NTM: variants seen among roughly 807,000 people sequenced by gnomAD.
NTM encodes the protein IgLON family member 2.
A neutral mutation model predicts 42.1 loss-of-function variants in NTM; 13 were observed. The observed-to-expected ratio is 0.31, with a 90% confidence interval of 0.20 to 0.49. The LOEUF (loss-of-function observed/expected upper bound fraction) is 0.49. Among genes scored for constraint, NTM ranks in the 20% least tolerant of loss-of-function variants. The pLI is 0.99. For missense variants in NTM, 373 were observed against 452.8 expected, an observed-to-expected ratio of 0.82 and a Z score of 1.60; for synonymous variants, 187 against 179.2, an observed-to-expected ratio of 1.04 and a Z score of -0.35.
chr11:131,712,934 A>C (rs2077326317), intron 1 of NTM, among the ~76,000 whole-genome samples: 1 of 152,136 alleles, frequency 6.6e-6, no homozygotes, highest in Non-Finnish European at 1.5e-5. Flanking sequence ...AAGAATGAAA[A>C]AGAAGGAAGG....
intron 4 of NTM, among the ~76,000 whole-genome samples, chr11:132,296,668 G>T (rs1024583498): frequency 1.3e-5 from 2 of 152,166 alleles, no homozygotes; most frequent in African/African-American, 4.8e-5. Flanking sequence ...CCAGGTGTGT[G>T]TGTGCCTATA....
intron 2 of NTM, among the ~76,000 whole-genome samples, chr11:131,992,774 G>T (rs1487148623): frequency 6.6e-6 from 1 of 152,190 alleles, no homozygotes. Flanking sequence ...GCCTACACTT[G>T]CACTGGTGTA....
At chr11:131,677,982 T>C (rs527309887) in intron 1 of NTM, among the ~76,000 whole-genome samples, 4 of 152,338 alleles carry the variant, frequency 2.6e-5, no homozygotes, top group Middle Eastern at 3.4e-3. Flanking sequence ...TCTTCACTGA[T>C]ATGCAGATGT....
At chr11:132,131,878 T>G (rs1295770218) in intron 2 of NTM, among the ~76,000 whole-genome samples, 1 of 152,056 alleles carries the variant, frequency 6.6e-6, no homozygotes, top group African/African-American at 2.4e-5. Flanking sequence ...CCATTGAAGC[T>G]TAGGAAATGA....
intron 1 of NTM, among the ~76,000 whole-genome samples, chr11:131,787,382 T>TTATTATTATTC (rs1223412614): frequency 3.7e-3 from 74 of 19,826 alleles, no homozygotes; most frequent in African/African-American, 0.015. Context: ...TATTATTATT[T>TTATTATTATTC]TATTTTTATT....
chr11:131,373,619 A>G (rs1000166277), intron 1 of NTM, among the ~76,000 whole-genome samples: 1 of 151,976 alleles, frequency 6.6e-6, no homozygotes, highest in Non-Finnish European at 1.5e-5. Flanking sequence ...ACGCTACAGA[A>G]CTGGATCAGG....
At chr11:131,415,567 G>A (rs1371238672) in intron 1 of NTM, among the ~76,000 whole-genome samples, 1 of 152,150 alleles carries the variant, frequency 6.6e-6, no homozygotes, top group African/African-American at 2.4e-5. Context: ...AACCAGGACT[G>A]TGGGCACCTG....
intron 2 of NTM, among the ~76,000 whole-genome samples, chr11:132,027,844 T>C (rs1779885168): frequency 6.6e-6 from 1 of 152,222 alleles, no homozygotes; most frequent in Non-Finnish European, 1.5e-5. Context: ...CTTTCTCCCA[T>C]CTACGTCTAG....
chr11:132,158,522 G>T (rs190258878), intron 3 of NTM, among the ~76,000 whole-genome samples: 19 of 152,308 alleles, frequency 1.2e-4, no homozygotes, highest in Admixed American at 2.0e-4. Flanking sequence ...AACCCCTCTA[G>T]AACATGTGTG....
At position 132,012,385 on chromosome 11, in the gene NTM, AT is replaced by A. The variant is rs577632958; in HGVS notation, c.167+100738del. The stretch of plus-strand genomic sequence containing the variant: ...ACTGTAATTAATCAATGCTTTTGGA[AT>A]GAAAAAGTGGACTTAAGCCTAGCCC... On this transcript the variant is annotated intron_variant, in intron 2 of 8. Transcript: ENST00000683400. Among the ~76,000 whole-genome samples, 538 of 152,326 alleles carry A rather than the reference AT, an allele frequency of 3.5e-3. 2 individuals carry two copies. Among genetic ancestry groups the A allele is most frequent in the Non-Finnish European group, 5.9e-3 (400 of 68,030 alleles).
chr11:132,115,103 A>G (rs2063710012), intron 2 of NTM, among the ~76,000 whole-genome samples: 1 of 152,196 alleles, frequency 6.6e-6, no homozygotes. Flanking sequence ...AGAAAAATCC[A>G]ACTCATAAAA....
chr11:132,187,895 A>G (rs1314053264), intron 3 of NTM, among the ~76,000 whole-genome samples: 1 of 152,198 alleles, frequency 6.6e-6, no homozygotes, highest in African/African-American at 2.4e-5. Context: ...ACGTAGGAGA[A>G]ACTTCCAAAG....
intron 1 of NTM, among the ~76,000 whole-genome samples, chr11:131,820,201 C>A (rs1374337445): frequency 1.3e-5 from 2 of 152,190 alleles, no homozygotes; most frequent in Admixed American, 1.3e-4. Context: ...TCTCCTGCAG[C>A]CACTGGATCC....
chr11:132,282,816 G>T (rs772910015), intron 4 of NTM, among the ~76,000 whole-genome samples: 1 of 151,844 alleles, frequency 6.6e-6, no homozygotes, highest in Non-Finnish European at 1.5e-5. Context: ...CTATTAATAG[G>T]CATTAACTTA....
intron 1 of NTM, chr11:131,771,128 C>T (rs528643985): frequency 1.5e-4 from 23 of 152,114 alleles, no homozygotes; most frequent in Middle Eastern, 3.4e-3. Flanking sequence ...AAAAAAAGTT[C>T]GGCCATAAAA....
At chr11:132,107,399 G>A (rs1026643171) in intron 2 of NTM, among the ~76,000 whole-genome samples, 1 of 129,236 alleles carries the variant, frequency 7.7e-6, no homozygotes, top group Non-Finnish European at 1.5e-5. Flanking sequence ...TGCCTAGGCT[G>A]GAGTACAGTG....
intron 1 of NTM, among the ~76,000 whole-genome samples, chr11:131,498,542 G>A (rs1045921246): frequency 7.2e-5 from 11 of 151,784 alleles, no homozygotes; most frequent in Non-Finnish European, 1.6e-4. Flanking sequence ...ATACACACAC[G>A]CACACACTCA....
At chr11:131,691,069 C>T (rs77234472) in intron 1 of NTM, among the ~76,000 whole-genome samples, 3,667 of 152,248 alleles carry the variant, frequency 0.024, 153 homozygotes, top group African/African-American at 0.083. Flanking sequence ...AGTCTCAGAC[C>T]GCAGAGGATC....
intron 4 of NTM, among the ~76,000 whole-genome samples, chr11:132,291,108 C>A (rs540099012): frequency 3.0e-4 from 46 of 152,094 alleles, no homozygotes; most frequent in African/African-American, 1.1e-3. Flanking sequence ...GATGTTGACG[C>A]CTACCTAATA....
Sources: allele counts gnomAD v4.1 joint callset (sites outside exome capture counted in the v4.1 genomes callset), GRCh38; gene constraint gnomAD v4.1.1; transcripts MANE v1.5; gene names NCBI Gene and HGNC (gene_info 2026-07-23, HGNC 2026-07-21).